Variants in INPP5J observed in about 807,000 individuals in gnomAD.
The protein encoded by INPP5J is phosphatidylinositol 4,5-bisphosphate 5-phosphatase A.
Under a neutral mutation model 86.6 loss-of-function variants are expected in INPP5J, and 75 were observed. The observed-to-expected ratio is 0.87, with a 90% CI of 0.72 to 1.05. The LOEUF is 1.05. Ranked by LOEUF, INPP5J falls within the 50% of genes least tolerant of loss-of-function variation. INPP5J has a pLI of 0.00. For synonymous variants in INPP5J, 540 were observed against 550.0 expected (o/e 0.98, Z 0.25); for missense variants, 1,229 against 1,341.2 (o/e 0.92, Z 1.31).
At chr22:31,127,575 G>T (rs375043137) in intron 6 of INPP5J, 43 bp downstream of exon 6, 1 of 1,568,030 alleles carries the variant, frequency 6.4e-7, no homozygotes, top group Admixed American at 1.8e-5. Context: ...GGTGGGGCTA[G>T]TGATGGGGGT....
chr22:31,134,142 C>G lies in INPP5J; in HGVS notation c.2744C>G (p.Pro915Arg). ...CGTGGTGCCAGCCGTAGCCCCTCAC[C>G]CCAGAGCCGCCGCCTGTCCCGAGTG... ...ERRGASRSPS[P>R]QSRRLSRVAP... Residue 915 changes from proline to arginine, a missense_variant, in exon 13 of 13, where the codon CCC (proline) becomes CGC (arginine). Physicochemically the swap from Pro to Arg is moderately radical, Grantham distance 103. Transcript: ENST00000331075. The G allele has an allele frequency of 6.5e-7, 1 of 1,549,564 alleles. No homozygotes were observed.
chr22:31,124,384 C>A, intron 1 of INPP5J: 1 of 831,920 alleles, frequency 1.2e-6, no homozygotes, highest in Non-Finnish European at 1.5e-6. Context: ...ACCTGTAGGT[C>A]TGTATCTTGA....
chr22:31,128,515 A>C lies in INPP5J; in HGVS notation c.2054A>C (p.Lys685Thr). Residue 685 changes from lysine to threonine, a missense_variant, in exon 9 of 13, where the codon AAG becomes ACG. By Grantham distance (78) the Lys-to-Thr change is moderately conservative. Transcript: ENST00000331075. ...GCTTGGACAGACCGTATCCTATGGA[A>C]GGTCAAGGCTCCAGGTGGGGGTCCC... ...KPAWTDRILWKVKAPGGGPSP... is the reference protein window; with the variant it reads ...KPAWTDRILWTVKAPGGGPSP... 1 of 1,613,470 alleles carries C rather than the reference A, an allele frequency of 6.2e-7. No homozygotes were observed. Among genetic ancestry groups the C allele is most frequent in the Non-Finnish European group, 8.5e-7 (1 of 1,179,874 alleles).
At chr22:31,127,656 G>C (rs1053221189) in intron 6 of INPP5J, 124 bp downstream of exon 6, 2 of 990,818 alleles carry the variant, frequency 2.0e-6, no homozygotes. Context: ...ACCCAAACTA[G>C]TTGTAGGAAC....
In INPP5J at chr22:31,128,458, C is replaced by G. The variant is rs1043425234; in HGVS notation, c.2010-13C>G. On this transcript the variant is annotated splice_polypyrimidine_tract_variant and intron_variant, in intron 8 of 12. Coordinates refer to ENST00000331075, the MANE Select transcript of INPP5J (RefSeq NM_001284285.2). ...CCAGCCCCTGAAACTTGGGGTACCC[C>G]TGCTCACTGCAGTGCCAAGAAACGG... 2 of 1,613,076 alleles carry G rather than the reference C, an allele frequency of 1.2e-6. No homozygotes were observed. The highest frequency in any genetic ancestry group is 2.7e-5 in the African/African-American group (2 of 75,050).
Position 31,134,683 on chromosome 22 carries a change from A to G in INPP5J, c.*264A>G, listed in dbSNP as rs1922436946. On this transcript the variant is annotated 3_prime_UTR_variant, in exon 13 of 13. Coordinates refer to ENST00000331075, the MANE Select transcript of INPP5J (RefSeq NM_001284285.2). Reference sequence around the variant, plus strand: ...CCTGGAGGTCATCCATTAGGAATTAAATTCTCCAGCCTCACTCTCGGCTCT... The same window carrying G: ...CCTGGAGGTCATCCATTAGGAATTAGATTCTCCAGCCTCACTCTCGGCTCT... 2.5e-6 allele frequency: 1 copy of G among 393,138 alleles called. No individual in the cohort carries two copies. 24.4% of individuals were successfully genotyped at this position (393,138 alleles called of 1,614,324 possible). A position where few individuals can be genotyped will look rare whatever the true frequency, so the allele number is the denominator to read the frequency against.
intron 8 of INPP5J, 35 bp downstream of exon 8, chr22:31,128,358 G>A: frequency 6.4e-7 from 1 of 1,564,968 alleles, no homozygotes; most frequent in Non-Finnish European, 8.7e-7. Context: ...GAGGGGAAGT[G>A]GGCTGAGGTC....
Position 31,126,366 on chromosome 22 carries a change from C to T in INPP5J, c.1272-10C>T, listed in dbSNP as rs1440230790. On this transcript the variant is annotated splice_polypyrimidine_tract_variant and intron_variant, in intron 2 of 12. Transcript: ENST00000331075. ...GCCAGGACTACACCCTCATATGCCC[C>T]TGCCCTCAGGATCACTGTGGTCACA... The T allele has an allele frequency of 6.2e-7, 1 of 1,604,110 alleles. No homozygotes were observed. The highest frequency in any genetic ancestry group is 1.1e-5 in the South Asian group (1 of 90,692).
chr22:31,127,443 C>T lies in INPP5J; in HGVS notation c.1698C>T (p.Asp566=), dbSNP rs1402807138. The T allele has an allele frequency of 1.2e-6, 2 of 1,613,880 alleles. No individual in the cohort carries two copies. The highest frequency in any genetic ancestry group is 1.7e-6 in the Non-Finnish European group (2 of 1,179,846). ...FLNCHLPAHM[D]KAEQRKDNFQ... ...ACTGCCACTTGCCTGCGCATATGGA[C>T]AAGGCGGAGCAGCGCAAAGACAACT... Residue 566 remains aspartate (D), a synonymous_variant, in exon 6 of 13, where the codon GAC becomes GAT. Coordinates refer to ENST00000331075, the MANE Select transcript of INPP5J (RefSeq NM_001284285.2).
At chr22:31,128,433 C>T (rs1157951742) in intron 8 of INPP5J, 38 bp from the exon 9 acceptor site, 1 of 1,608,536 alleles carries the variant, frequency 6.2e-7, no homozygotes, top group Non-Finnish European at 8.5e-7. Context: ...ATCTTGATCC[C>T]CAGCCCCTGA....
intron 6 of INPP5J, 171 bp downstream of exon 6, chr22:31,127,703 G>A (rs1358400379): frequency 2.6e-6 from 2 of 770,036 alleles, no homozygotes; most frequent in African/African-American, 3.5e-5. Flanking sequence ...GAGGGGCGGA[G>A]CTTGTAGGGT....
rs771871838 is a variant in INPP5J at position 31,125,877 on chromosome 22, C to T, written c.1138C>T (p.Pro380Ser). The T allele has an allele frequency of 6.2e-7, 1 of 1,611,520 alleles. No homozygotes were observed. The highest frequency in any genetic ancestry group is 8.5e-7 in the Non-Finnish European group (1 of 1,178,420). ...AAGGCTTGGCACACAGAGTACAGGGCCTGGCAGGTGCCTGAGCCCCAACCT... is the reference window on the plus strand; with the variant it reads ...AAGGCTTGGCACACAGAGTACAGGGTCTGGCAGGTGCCTGAGCCCCAACCT... Reference protein sequence around the residue: ...LPRLGTQSTGPGRCLSPNLQA... With the variant: ...LPRLGTQSTGSGRCLSPNLQA... The change falls in exon 2 of 13, where the codon CCT becomes TCT. Residue 380 changes from proline to serine, a missense_variant. By Grantham distance (74) the Pro-to-Ser change is moderately conservative. Transcript: ENST00000331075.
In INPP5J at chr22:31,126,430, A is replaced by T; in HGVS notation, c.1326A>T (p.Thr442=). 2.5e-6 allele frequency: 4 copies of T among 1,613,820 alleles called. No homozygotes were observed. The highest frequency in any genetic ancestry group is 3.4e-6 in the Non-Finnish European group (4 of 1,179,840). The change falls in exon 3 of 13, where the codon ACA becomes ACT. Residue 442 remains threonine (T), a synonymous_variant. Transcript: ENST00000331075. ...CTGCCATGCCCCCAGACGATGTCAC[A>T]TCCCTCCTCCACCTGGGCGGTGGTG... ...VGTAMPPDDV[T]SLLHLGGGDD... is the part of the protein sequence containing the mutation.
chr22:31,134,401 AG>A lies in INPP5J; in HGVS notation c.3008del (p.Gly1003AlafsTer62). On this transcript the variant is annotated frameshift_variant, in exon 13 of 13. Transcript: ENST00000331075. LOFTEE classifies it high-confidence loss of function. ...CCCAGGGCCATCGGGGGCTGGAGGA[AG>A]GGGGCCTGGGGCCCTGAGGGTGGGG... ...SPQGHRGLEE[G>X]GLGP is the part of the protein sequence containing the mutation. 1.4e-6 allele frequency: 2 copies of A among 1,467,604 alleles called. No individual in the cohort carries two copies. The highest frequency in any genetic ancestry group is 9.0e-7 in the Non-Finnish European group (1 of 1,108,020). The allele number at this position is 1,467,604 out of a possible 1,614,324, so 90.9% of individuals were successfully genotyped here.
chr22:31,122,956 C>T (rs1920997260), upstream of INPP5J: 6 of 1,162,932 alleles, frequency 5.2e-6, no homozygotes, highest in East Asian at 3.2e-5. Context: ...CACTGGTTCC[C>T]GGGAGCGGTA....
In INPP5J at chr22:31,123,165, T is replaced by C. The variant is rs752531769; in HGVS notation, c.105+46T>C. 22 of 1,191,664 alleles carry C rather than the reference T, an allele frequency of 1.8e-5. 2 individuals are homozygous for C. The South Asian group carries it at 3.5e-4, about 19-fold the overall frequency. 73.8% of individuals were successfully genotyped at this position (1,191,664 alleles called of 1,614,324 possible). A position where few individuals can be genotyped will look rare whatever the true frequency, so the allele number is the denominator to read the frequency against. Reference sequence around the variant, plus strand: ...TGCCCCCCGCTTTCCTGATCCCTGGTTCCACACACCCCCCCCACATACACT... The same window carrying C: ...TGCCCCCCGCTTTCCTGATCCCTGGCTCCACACACCCCCCCCACATACACT... On this transcript the variant is annotated intron_variant, in intron 1 of 12. Coordinates refer to ENST00000331075, the MANE Select transcript of INPP5J (RefSeq NM_001284285.2).
In INPP5J at chr22:31,134,184, G is replaced by C. The variant is rs1040622176; in HGVS notation, c.2786G>C (p.Ser929Thr). 2.6e-5 allele frequency: 41 copies of C among 1,550,018 alleles called. No individual in the cohort carries two copies. The highest frequency in any genetic ancestry group is 3.4e-5 in the Non-Finnish European group (39 of 1,146,610). Residue 929 changes from serine to threonine, a missense_variant, in exon 13 of 13, where the codon AGT becomes ACT. By Grantham distance (58) the Ser-to-Thr change is moderately conservative. Transcript: ENST00000331075. ...TCCCGAGTGGCTCCTGACAGGAGCA[G>C]TAATGGCAGCAGCCGGGGCAGTAGT... is the stretch of plus-strand genomic sequence containing the variant. ...RLSRVAPDRS[S>T]NGSSRGSSEE... is the part of the protein sequence containing the mutation.
At chr22:31,126,170 T>A (rs1921399261) in intron 2 of INPP5J, 160 bp downstream of exon 2, 2 of 832,282 alleles carry the variant, frequency 2.4e-6, no homozygotes, top group Non-Finnish European at 3.7e-6. Context: ...GAAGATAGCA[T>A]CCCCTCCTAA....
In INPP5J at chr22:31,127,002, AC is replaced by A; in HGVS notation, c.1578del (p.Asp527ThrfsTer17). 3.1e-6 allele frequency: 5 copies of A among 1,607,700 alleles called. No homozygotes were observed. Among genetic ancestry groups the A allele is most frequent in the Non-Finnish European group, 4.2e-6 (5 of 1,176,982 alleles). ...CCTGCCCTTCCTGCGAGACGTGCAG[AC>A]CGACTGCACGCGCACTGGCCTGGGC... ...YHLPFLRDVQ[T>X]DCTRTGLGGY... On this transcript the variant is annotated frameshift_variant, in exon 5 of 13. Coordinates refer to ENST00000331075, the MANE Select transcript of INPP5J (RefSeq NM_001284285.2). LOFTEE classifies it high-confidence loss of function.
Sources: gnomAD v4.1 joint callset for allele counts on GRCh38, gnomAD v4.1.1 for gene constraint, MANE v1.5 for transcripts, NCBI Gene and HGNC (gene_info 2026-07-23, HGNC 2026-07-21) for gene names.